The following APBA2 variants were observed in gnomAD, a reference collection of about 807,000 sequenced individuals.
APBA2 encodes amyloid beta precursor protein binding family A member 2.
APBA2 carries 30 observed loss-of-function variants against 75.0 expected under a neutral mutation model. That is an observed-to-expected ratio of 0.40 (90% CI 0.30 to 0.54). The LOEUF is 0.54. APBA2 is among the 20% of genes least tolerant of loss of function. APBA2 has a pLI of 0.49. For missense variants in APBA2, 801 were observed against 1,016.1 expected, an observed-to-expected ratio of 0.79 and a Z score of 2.88; for synonymous variants, 444 against 409.6, an observed-to-expected ratio of 1.08 and a Z score of -1.01.
chr15:29,043,538 C>T (rs1285977630), intron 3 of APBA2, among the ~76,000 whole-genome samples: 2 of 152,228 alleles, frequency 1.3e-5, no homozygotes, highest in Non-Finnish European at 2.9e-5. Flanking sequence ...TGTCCCATCA[C>T]TCGAAGGCAG....
At chr15:29,003,652 A>T (rs1417072537) in intron 3 of APBA2, among the ~76,000 whole-genome samples, 1 of 152,226 alleles carries the variant, frequency 6.6e-6, no homozygotes, top group Non-Finnish European at 1.5e-5. Context: ...ATACATTGTG[A>T]GGAATCTGCA....
At chr15:29,034,265 G>A (rs997149758) in intron 3 of APBA2, among the ~76,000 whole-genome samples, 4 of 152,150 alleles carry the variant, frequency 2.6e-5, no homozygotes, top group South Asian at 2.1e-4. Context: ...CTGGTAGCCC[G>A]TGTCTCCTGT....
rs764031839 is a variant in APBA2, at chr15:29,105,402, C to T, written c.1548C>T (p.Ile516=). Residue 516 remains isoleucine (I), a synonymous_variant, in exon 11 of 15, where the codon ATC becomes ATT. Coordinates refer to ENST00000683413, the MANE Select transcript of APBA2 (RefSeq NM_001353788.2). ...SEDAQLIAQS[I]GQAFSVAYQE... ...AGGCCCAGCTCATCGCCCAGTCTAT[C>T]GGCCAGGCCTTCAGCGTGGCCTACC... 4.3e-5 allele frequency: 69 copies of T among 1,612,212 alleles called. No individual in the cohort carries two copies. The highest frequency in any genetic ancestry group is 1.6e-4 in the Middle Eastern group (1 of 6,084).
chr15:29,101,167 C>T (rs1372419839), intron 9 of APBA2, among the ~76,000 whole-genome samples: 2 of 151,724 alleles, frequency 1.3e-5, no homozygotes, highest in African/African-American at 2.4e-5. Context: ...AATGATCCGG[C>T]CCCAAATGTC....
chr15:29,096,324 C>T (rs2043849424), intron 8 of APBA2, among the ~76,000 whole-genome samples: 1 of 152,190 alleles, frequency 6.6e-6, no homozygotes, highest in South Asian at 2.1e-4. Context: ...GGGTTTTCCA[C>T]TGGAGGCTGG....
At chr15:28,929,748 G>T (rs1386087434) in intron 2 of APBA2, among the ~76,000 whole-genome samples, 1 of 152,152 alleles carries the variant, frequency 6.6e-6, no homozygotes, top group African/African-American at 2.4e-5. Context: ...AAACCAATTT[G>T]CCCCCATTAT....
At chr15:28,933,227 G>T (rs1202635676) in intron 2 of APBA2, among the ~76,000 whole-genome samples, 1 of 149,072 alleles carries the variant, frequency 6.7e-6, no homozygotes, top group African/African-American at 2.6e-5. Flanking sequence ...CATGAACTTT[G>T]GGGGGGCACA....
chr15:28,994,890 T>G (rs2038429362), intron 2 of APBA2, among the ~76,000 whole-genome samples: 1 of 152,184 alleles, frequency 6.6e-6, no homozygotes, highest in Non-Finnish European at 1.5e-5. Flanking sequence ...CGTGAAGGGC[T>G]CGCAGCCTGG....
intron 3 of APBA2, among the ~76,000 whole-genome samples, chr15:28,999,475 G>C (rs1287475075): frequency 6.6e-6 from 1 of 152,200 alleles, no homozygotes; most frequent in Non-Finnish European, 1.5e-5. Flanking sequence ...ACTCTGCCTT[G>C]CTCCTAATCT....
At chr15:28,947,878 T>C (rs1050045504) in intron 2 of APBA2, among the ~76,000 whole-genome samples, 3 of 152,252 alleles carry the variant, frequency 2.0e-5, no homozygotes, top group African/African-American at 7.2e-5. Context: ...AACTGACTAA[T>C]GTCTCTGCTT....
chr15:29,035,076 C>T (rs2040677611), intron 3 of APBA2, among the ~76,000 whole-genome samples: 1 of 152,164 alleles, frequency 6.6e-6, no homozygotes, highest in Admixed American at 6.5e-5. Flanking sequence ...CATTCAGGTC[C>T]CAGGTCTCAC....
At chr15:29,002,155 C>G (rs2038882298) in intron 3 of APBA2, among the ~76,000 whole-genome samples, 1 of 152,202 alleles carries the variant, frequency 6.6e-6, no homozygotes, top group East Asian at 1.9e-4. Context: ...TTCTTTTAAC[C>G]TGTCATTTCC....
chr15:29,000,986 C>T (rs753163851), intron 3 of APBA2, among the ~76,000 whole-genome samples: 8 of 152,060 alleles, frequency 5.3e-5, no homozygotes, highest in Non-Finnish European at 1.0e-4. Flanking sequence ...TGGCTGATTC[C>T]TCTCTCAGGT....
chr15:28,907,158 G>A (rs762734265), intron 1 of APBA2, among the ~76,000 whole-genome samples: 4 of 152,124 alleles, frequency 2.6e-5, no homozygotes, highest in Non-Finnish European at 4.4e-5. Flanking sequence ...AATCTAAAAT[G>A]TATTTTAGAT....
intron 3 of APBA2, among the ~76,000 whole-genome samples, chr15:29,007,257 G>A (rs891661226): frequency 1.3e-5 from 2 of 152,298 alleles, no homozygotes; most frequent in East Asian, 1.9e-4. Context: ...TCAAAGACCT[G>A]AACATAAGAG....
intron 1 of APBA2, among the ~76,000 whole-genome samples, chr15:28,910,603 G>A (rs1277191907): frequency 2.0e-5 from 3 of 152,286 alleles, no homozygotes; most frequent in East Asian, 1.9e-4. Flanking sequence ...AAGTCTCTGC[G>A]TCACACCGCC....
intron 2 of APBA2, among the ~76,000 whole-genome samples, chr15:28,922,259 C>T (rs900861201): frequency 6.6e-6 from 1 of 152,192 alleles, no homozygotes; most frequent in Non-Finnish European, 1.5e-5. Flanking sequence ...AATAACAATT[C>T]CTAAATTGCT....
intron 2 of APBA2, among the ~76,000 whole-genome samples, chr15:28,981,252 T>A (rs952953355): frequency 6.6e-6 from 1 of 152,150 alleles, no homozygotes; most frequent in African/African-American, 2.4e-5. Context: ...ATACAAACTA[T>A]GCATCCAACA....
chr15:29,105,369 C>T lies in APBA2; in HGVS notation c.1525-10C>T, dbSNP rs371310712. The T allele has an allele frequency of 6.2e-7, 1 of 1,609,344 alleles. No homozygotes were observed. Among genetic ancestry groups the T allele is most frequent in the Non-Finnish European group, 8.5e-7 (1 of 1,179,676 alleles). ...CGTGCCTGTCTCCAGCTGGCCTGCC[C>T]TCTGCACAGGCCCAGCTCATCGCCC... On this transcript the variant is annotated splice_polypyrimidine_tract_variant and intron_variant, in intron 10 of 14. Transcript: ENST00000683413.
Sources: gnomAD v4.1 joint callset for allele counts (sites outside exome capture counted in the v4.1 genomes callset) on GRCh38, gnomAD v4.1.1 for gene constraint, MANE v1.5 for transcripts, NCBI Gene and HGNC (gene_info 2026-07-23, HGNC 2026-07-21) for gene names.